The following PRKCQ variants were observed in gnomAD, a reference collection of about 807,000 sequenced individuals.
PRKCQ encodes protein kinase C theta type.
In PRKCQ, 41 loss-of-function variants were observed where a neutral mutation model predicts 91.2. The observed-to-expected ratio is 0.45, with a 90% CI of 0.35 to 0.58. The LOEUF (loss-of-function observed/expected upper bound fraction) is 0.58, where lower values mean the gene tolerates loss of function less well. Among genes scored for constraint, PRKCQ ranks in the 20% least tolerant of loss-of-function variants. The pLI is 0.00. For missense variants in PRKCQ, 673 were observed against 896.5 expected (o/e 0.75, Z 3.18); for synonymous variants, 307 against 316.9 (o/e 0.97, Z 0.33).
At chr10:6,469,125 T>C (rs1040491414) in intron 12 of PRKCQ, among the ~76,000 whole-genome samples, 1 of 152,200 alleles carries the variant, frequency 6.6e-6, no homozygotes, top group Non-Finnish European at 1.5e-5. Flanking sequence ...TTTGCAAGAT[T>C]TGGAGCGAGT....
At chr10:6,426,845 C>T (rs186143964), downstream of PRKCQ, among the ~76,000 whole-genome samples, 137 of 152,360 alleles carry the variant, frequency 9.0e-4, 1 homozygote, top group Middle Eastern at 0.034. Flanking sequence ...TTACTCTACT[C>T]CTGCCTCAGC....
intron 1 of PRKCQ, among the ~76,000 whole-genome samples, chr10:6,571,885 C>T (rs1390859848): frequency 6.6e-6 from 1 of 152,124 alleles, no homozygotes; most frequent in African/African-American, 2.4e-5. Context: ...CCTAAACAGC[C>T]ACCTAACTAA....
Position 6,491,669 on chromosome 10 carries a change from C to T in PRKCQ, c.790+14G>A, listed in dbSNP as rs561942045. Reference sequence around the variant, plus strand: ...GGTCCACGTCGGGCCATGCTCATCCCCCACTGGACTCACCATCACACTTGA... The same window carrying T: ...GGTCCACGTCGGGCCATGCTCATCCTCCACTGGACTCACCATCACACTTGA... On this transcript the variant is annotated intron_variant, in intron 8 of 17. Coordinates refer to ENST00000263125, the MANE Select transcript of PRKCQ (RefSeq NM_006257.5). The T allele has an allele frequency of 6.2e-7, 1 of 1,613,732 alleles. No homozygotes were observed. Among genetic ancestry groups the T allele is most frequent in the Admixed American group, 1.7e-5 (1 of 60,002 alleles).
At chr10:6,458,584 T>C (rs1835153446) in intron 14 of PRKCQ, among the ~76,000 whole-genome samples, 1 of 152,112 alleles carries the variant, frequency 6.6e-6, no homozygotes, top group African/African-American at 2.4e-5. Context: ...GCTTTTCTAT[T>C]TGGAAGAGGT....
chr10:6,433,562 AC>A (rs1458879382), intron 16 of PRKCQ, among the ~76,000 whole-genome samples: 1 of 152,116 alleles, frequency 6.6e-6, no homozygotes, highest in African/African-American at 2.4e-5. Context: ...GAAAAGAAGC[AC>A]CAAGTTCACG....
In PRKCQ at chr10:6,563,980, G is replaced by C. The variant is rs1209627129; in HGVS notation, c.-10+16231C>G. ...AGAGGAGGTGAGGTCTCAGGGGTTAGCAAAGTAACGATGTGAGCGTGAGGA... is the reference window on the plus strand; with the variant it reads ...AGAGGAGGTGAGGTCTCAGGGGTTACCAAAGTAACGATGTGAGCGTGAGGA... On this transcript the variant is annotated intron_variant, in intron 1 of 17. Coordinates refer to ENST00000263125, the MANE Select transcript of PRKCQ (RefSeq NM_006257.5). Among the ~76,000 whole-genome samples the C allele has an allele frequency of 2.0e-5, 3 of 152,164 alleles. No homozygotes were observed. In the East Asian group the frequency reaches 5.8e-4, roughly 29 times the overall value.
chr10:6,539,519 C>G (rs564490137), intron 1 of PRKCQ, among the ~76,000 whole-genome samples: 1 of 152,042 alleles, frequency 6.6e-6, no homozygotes, highest in African/African-American at 2.4e-5. Context: ...TCTCCCATTA[C>G]CCCCAGATGG....
At chr10:6,413,474 T>TCA in the PRKCQ span, among the ~76,000 whole-genome samples, 132 of 120,204 alleles carry the variant, frequency 1.1e-3, 4 homozygotes, top group African/African-American at 4.7e-3. Context: ...AAAAATTATG[T>TCA]CACACACACA....
chr10:6,529,843 C>T (rs1391073588), intron 1 of PRKCQ, among the ~76,000 whole-genome samples: 1 of 152,084 alleles, frequency 6.6e-6, no homozygotes, highest in Non-Finnish European at 1.5e-5. Flanking sequence ...TGAATTAATC[C>T]ATGGAAAATG....
intron 16 of PRKCQ, among the ~76,000 whole-genome samples, chr10:6,439,149 C>T (rs1213334590): frequency 6.6e-6 from 1 of 152,166 alleles, no homozygotes; most frequent in Non-Finnish European, 1.5e-5. Flanking sequence ...CCTCTGTCTC[C>T]ACGTGGGTTT....
chr10:6,403,969 C>T, the PRKCQ span, among the ~76,000 whole-genome samples: 1 of 151,702 alleles, frequency 6.6e-6, no homozygotes, highest in African/African-American at 2.4e-5. Flanking sequence ...TCTATGGTGA[C>T]AGATAAGACA....
chr10:6,427,740 G>C lies in PRKCQ; in HGVS notation c.*467C>G, dbSNP rs182795325. On this transcript the variant is annotated 3_prime_UTR_variant, in exon 18 of 18. Coordinates refer to ENST00000263125, the MANE Select transcript of PRKCQ (RefSeq NM_006257.5). ...TCCACAGATAGGAATAGAATAAAACGGGTTAGTGATTACTTGTCTGCGGCT... is the reference window on the plus strand; with the variant it reads ...TCCACAGATAGGAATAGAATAAAACCGGTTAGTGATTACTTGTCTGCGGCT... The C allele has an allele frequency of 6.0e-6, 1 of 166,256 alleles. No individual in the cohort carries two copies. The highest frequency in any genetic ancestry group is 2.4e-5 in the African/African-American group (1 of 41,508). The allele number at this position is 166,256 out of a possible 1,614,324, so 10.3% of individuals were successfully genotyped here.
At chr10:6,404,952 T>G in the PRKCQ span, among the ~76,000 whole-genome samples, 397 of 52,866 alleles carry the variant, frequency 7.5e-3, 4 homozygotes, top group African/African-American at 0.03. Flanking sequence ...CCTTCCTTCC[T>G]TCTATCCTTC....
At chr10:6,459,374 G>A (rs909695188) in intron 14 of PRKCQ, among the ~76,000 whole-genome samples, 1 of 151,952 alleles carries the variant, frequency 6.6e-6, no homozygotes, top group Non-Finnish European at 1.5e-5. Context: ...TGGGGGTTGG[G>A]ACTTCTCTAT....
At chr10:6,426,085 AGT>A (rs1385735763), downstream of PRKCQ, among the ~76,000 whole-genome samples, 2 of 152,180 alleles carry the variant, frequency 1.3e-5, no homozygotes, top group African/African-American at 4.8e-5. Context: ...TGTTTTGGAA[AGT>A]GTTGCTCACT....
At chr10:6,426,633 C>G (rs937814568), downstream of PRKCQ, among the ~76,000 whole-genome samples, 2 of 152,176 alleles carry the variant, frequency 1.3e-5, no homozygotes, top group Non-Finnish European at 2.9e-5. Flanking sequence ...AAAAAAATCA[C>G]AAGAGCTCCG....
At chr10:6,485,929 C>T (rs1836889970) in intron 9 of PRKCQ, 106 bp downstream of exon 9, 1 of 959,366 alleles carries the variant, frequency 1.0e-6, no homozygotes, top group Non-Finnish European at 1.6e-6. Context: ...CTCAGAAATA[C>T]ATCCCGGCAT....
At chr10:6,446,554 C>A (rs1321113055) in intron 15 of PRKCQ, among the ~76,000 whole-genome samples, 1 of 151,634 alleles carries the variant, frequency 6.6e-6, no homozygotes, top group African/African-American at 2.4e-5. Flanking sequence ...TTAGTAGAGA[C>A]GGGGTTTCAC....
chr10:6,427,170 T>C lies in PRKCQ; in HGVS notation c.*1037A>G, dbSNP rs546183585. 1.3e-4 allele frequency: 20 copies of C among 152,276 alleles called. No homozygotes were observed. The highest frequency in any genetic ancestry group is 2.5e-4 in the Non-Finnish European group (17 of 68,010). The allele number at this position is 152,276 out of a possible 1,614,324, so 9.4% of individuals were successfully genotyped here. On this transcript the variant is annotated 3_prime_UTR_variant, in exon 18 of 18. Coordinates refer to ENST00000263125, the MANE Select transcript of PRKCQ (RefSeq NM_006257.5). The stretch of plus-strand genomic sequence containing the variant: ...CTCTTTTTTTTTTTTTATTCCATTT[T>C]TACACATCCACCTGTTTGCCATGAA...
Sources: allele counts gnomAD v4.1 joint callset (sites outside exome capture counted in the v4.1 genomes callset), GRCh38; gene constraint gnomAD v4.1.1; transcripts MANE v1.5; gene names NCBI Gene and HGNC (gene_info 2026-07-23, HGNC 2026-07-21).